PRCC: variants seen among roughly 807,000 people sequenced by gnomAD.
The protein encoded by PRCC is proline-rich protein PRCC.
A neutral mutation model predicts 44.0 loss-of-function variants in PRCC; 10 were observed. The observed-to-expected ratio is 0.23, with a 90% CI of 0.14 to 0.39. PRCC has a LOEUF of 0.39. PRCC is among the 10% of genes least tolerant of loss of function. The pLI is 1.00. For missense variants in PRCC, 573 were observed against 624.7 expected, an observed-to-expected ratio of 0.92 and a Z score of 0.88; for synonymous variants, 278 against 259.5, an observed-to-expected ratio of 1.07 and a Z score of -0.69.
chr1:156,774,664 A>G (rs1474802014), intron 1 of PRCC, among the ~76,000 whole-genome samples: 5 of 151,426 alleles, frequency 3.3e-5, no homozygotes, highest in African/African-American at 1.2e-4. Context: ...GTTTTTAAAC[A>G]ATTTTTTTGC....
At chr1:156,788,476 T>C (rs1652355187) in intron 3 of PRCC, among the ~76,000 whole-genome samples, 1 of 152,206 alleles carries the variant, frequency 6.6e-6, no homozygotes, top group Admixed American at 6.5e-5. Flanking sequence ...GCATGTGTCT[T>C]TACAGTAGAG....
In PRCC at chr1:156,794,820, A is replaced by G; in HGVS notation, c.1323+12A>G. 3 of 1,614,068 alleles carry G rather than the reference A, an allele frequency of 1.9e-6. No homozygotes were observed. Among genetic ancestry groups the G allele is most frequent in the Non-Finnish European group, 2.5e-6 (3 of 1,179,990 alleles). On this transcript the variant is annotated intron_variant, in intron 5 of 6. Coordinates refer to ENST00000271526, the MANE Select transcript of PRCC (RefSeq NM_005973.5). Reference sequence around the variant, plus strand: ...AGTCATTCAGCAAAGTAAGTGGGAAACGTCTATTGAGTGGTCAGCTTGGGA... The same window carrying G: ...AGTCATTCAGCAAAGTAAGTGGGAAGCGTCTATTGAGTGGTCAGCTTGGGA...
At chr1:156,771,522 A>G (rs746907996) in intron 1 of PRCC, among the ~76,000 whole-genome samples, 1 of 152,130 alleles carries the variant, frequency 6.6e-6, no homozygotes, top group African/African-American at 2.4e-5. Context: ...TAGATGTTAC[A>G]CTAAGGAGAG....
At chr1:156,768,398 C>T (rs1437388672) in intron 1 of PRCC, among the ~76,000 whole-genome samples, 159 bp downstream of exon 1, 1 of 152,216 alleles carries the variant, frequency 6.6e-6, no homozygotes, top group Non-Finnish European at 1.5e-5. Context: ...TGAAGTTGGT[C>T]AACTTGGGGG....
chr1:156,782,812 C>T (rs1394209134), intron 2 of PRCC, among the ~76,000 whole-genome samples: 1 of 152,162 alleles, frequency 6.6e-6, no homozygotes, highest in East Asian at 1.9e-4. Context: ...GTGTTATCAT[C>T]CCTGTTTTAC....
At chr1:156,795,287 T>C (rs1438173846) in intron 5 of PRCC, among the ~76,000 whole-genome samples, 1 of 44,722 alleles carries the variant, frequency 2.2e-5, no homozygotes, top group African/African-American at 5.8e-5. Context: ...TTTCTGGTGT[T>C]TTTTTTTTTT....
chr1:156,781,987 T>C (rs1652065390), intron 1 of PRCC, among the ~76,000 whole-genome samples: 1 of 152,182 alleles, frequency 6.6e-6, no homozygotes, highest in Admixed American at 6.5e-5. Context: ...GAGGAAATAG[T>C]CTTAATTTAA....
In PRCC at chr1:156,767,555, T is replaced by G. The variant is rs1187459443; in HGVS notation, c.-217T>G. On this transcript the variant is annotated 5_prime_UTR_variant, in exon 1 of 7. Transcript: ENST00000271526. ...TCGGCGGCCATTAGCTGTGTGTAGTTGCCCGGGACTAGGAGCTTAAGTGAA... is the reference window on the plus strand; with the variant it reads ...TCGGCGGCCATTAGCTGTGTGTAGTGGCCCGGGACTAGGAGCTTAAGTGAA... 3 of 575,492 alleles carry G rather than the reference T, an allele frequency of 5.2e-6. No individual in the cohort carries two copies. The highest frequency in any genetic ancestry group is 6.6e-5 in the Admixed American group (2 of 30,478). The allele number at this position is 575,492 out of a possible 1,614,324, so 35.6% of individuals were successfully genotyped here. A position where few individuals can be genotyped will look rare whatever the true frequency, so the allele number is the denominator to read the frequency against.
At chr1:156,796,275 A>G (rs940269829) in intron 5 of PRCC, 8 of 152,186 alleles carry the variant, frequency 5.3e-5, no homozygotes, top group African/African-American at 1.4e-4. Context: ...AGTATTTGCT[A>G]TTTTCCTATC....
chr1:156,789,352 T>C (rs893389256), intron 3 of PRCC, among the ~76,000 whole-genome samples: 3 of 152,186 alleles, frequency 2.0e-5, no homozygotes, highest in Non-Finnish European at 2.9e-5. Flanking sequence ...ACTTCCCCTA[T>C]GTTGAAAACA....
At chr1:156,792,819 C>G (rs1017788129) in intron 4 of PRCC, among the ~76,000 whole-genome samples, 15 of 152,092 alleles carry the variant, frequency 9.9e-5, no homozygotes, top group African/African-American at 3.4e-4. Flanking sequence ...GGTAATATGC[C>G]TAGCAAAAAT....
In PRCC at chr1:156,800,362, TC is replaced by T; in HGVS notation, c.1390-10del. The T allele has an allele frequency of 6.2e-7, 1 of 1,613,990 alleles. No individual in the cohort carries two copies. Among genetic ancestry groups the T allele is most frequent in the Non-Finnish European group, 8.5e-7 (1 of 1,179,896 alleles). On this transcript the variant is annotated splice_polypyrimidine_tract_variant and intron_variant, in intron 6 of 6. Transcript: ENST00000271526. The stretch of plus-strand genomic sequence containing the variant: ...CAGTTTGACCCTCCCCTACCCTTCT[TC>T]CTTGCCACAGGCCAAGGAGCGGGAG...
chr1:156,794,948 T>TGCCC (rs1571595332), intron 5 of PRCC, 140 bp downstream of exon 5: 1 of 1,068,388 alleles, frequency 9.4e-7, no homozygotes, highest in East Asian at 2.5e-5. Context: ...GGTACTGGAG[T>TGCCC]ATGCACTAAA....
chr1:156,770,450 C>T (rs1651590754), intron 1 of PRCC, among the ~76,000 whole-genome samples: 1 of 152,258 alleles, frequency 6.6e-6, no homozygotes, highest in Non-Finnish European at 1.5e-5. Flanking sequence ...TCTCAGCTCA[C>T]CGCAACCTCC....
chr1:156,792,190 C>T (rs1484532646), intron 4 of PRCC, among the ~76,000 whole-genome samples: 2 of 149,324 alleles, frequency 1.3e-5, no homozygotes, highest in Non-Finnish European at 1.5e-5. Flanking sequence ...TATGATTTAC[C>T]ATGCCTGGCT....
Position 156,794,827 on chromosome 1 carries a change from T to G in PRCC, c.1323+19T>G. 6.2e-7 allele frequency: 1 copy of G among 1,613,892 alleles called. No individual in the cohort carries two copies. Among genetic ancestry groups the G allele is most frequent in the South Asian group, 1.1e-5 (1 of 91,042 alleles). On this transcript the variant is annotated intron_variant, in intron 5 of 6. Coordinates refer to ENST00000271526, the MANE Select transcript of PRCC (RefSeq NM_005973.5). Reference sequence around the variant, plus strand: ...CAGCAAAGTAAGTGGGAAACGTCTATTGAGTGGTCAGCTTGGGAAGCTGCA... The same window carrying G: ...CAGCAAAGTAAGTGGGAAACGTCTAGTGAGTGGTCAGCTTGGGAAGCTGCA...
Position 156,794,673 on chromosome 1 carries a change from G to A in PRCC, c.1188G>A (p.Arg396=). Residue 396 remains arginine, a synonymous_variant, in exon 5 of 7, where the codon CGG becomes CGA. Coordinates refer to ENST00000271526, the MANE Select transcript of PRCC (RefSeq NM_005973.5). ...ATTTTTTTCTTTTCCAGTTTAAGCG[G>A]CTGCAGGGCAAGAGGAACCGAGGGA... The part of the protein sequence containing the change: ...ASFIDDEAFK[R]LQGKRNRGRE... 1 of 1,614,104 alleles carries A rather than the reference G, an allele frequency of 6.2e-7. No individual in the cohort carries two copies. The highest frequency in any genetic ancestry group is 1.1e-5 in the South Asian group (1 of 91,070).
intron 3 of PRCC, among the ~76,000 whole-genome samples, chr1:156,790,734 C>G (rs1652445185): frequency 6.6e-6 from 1 of 151,894 alleles, no homozygotes; most frequent in African/African-American, 2.4e-5. Flanking sequence ...TTATAAACAC[C>G]ACTGAGATAA....
intron 3 of PRCC, among the ~76,000 whole-genome samples, chr1:156,788,023 A>T (rs1343203372): frequency 2.0e-5 from 3 of 152,022 alleles, no homozygotes; most frequent in Non-Finnish European, 2.9e-5. Context: ...TTTAGTAGAG[A>T]CGGGGTTTCA....
Sources: gnomAD v4.1 joint callset for allele counts (sites outside exome capture counted in the v4.1 genomes callset) on GRCh38, gnomAD v4.1.1 for gene constraint, MANE v1.5 for transcripts, NCBI Gene and HGNC (gene_info 2026-07-23, HGNC 2026-07-21) for gene names.